The following RASEF variants were observed in gnomAD, a reference collection of about 807,000 sequenced individuals.
The protein encoded by RASEF is ras and EF-hand domain-containing protein.
In RASEF, 68 loss-of-function variants were observed where a neutral mutation model predicts 90.1. The observed-to-expected ratio is 0.75, with a 90% CI of 0.62 to 0.92. RASEF has a LOEUF of 0.92. RASEF is among the 40% of genes least tolerant of loss of function. The pLI is 0.00. For synonymous variants in RASEF, 331 were observed against 345.2 expected (o/e 0.96, Z 0.46); for missense variants, 949 against 937.2 (o/e 1.01, Z -0.16).
chr9:83,000,722 G>A (rs959142863), intron 10 of RASEF, 152 bp from the exon 11 acceptor site: 2 of 912,012 alleles, frequency 2.2e-6, no homozygotes, highest in Non-Finnish European at 3.3e-6. Context: ...GAGTGACACT[G>A]AATGGCAATC....
chr9:83,196,834 A>G, the RASEF span, among the ~76,000 whole-genome samples: 2 of 152,246 alleles, frequency 1.3e-5, no homozygotes, highest in Admixed American at 6.5e-5. Flanking sequence ...TAATCTTTAT[A>G]GTAACTCAGA....
chr9:83,088,936 G>A, the RASEF span, among the ~76,000 whole-genome samples: 1 of 151,946 alleles, frequency 6.6e-6, no homozygotes, highest in South Asian at 2.1e-4. Flanking sequence ...CTGATAGATA[G>A]ATGTTACATG....
At chr9:83,182,484 T>C in the RASEF span, among the ~76,000 whole-genome samples, 2 of 152,186 alleles carry the variant, frequency 1.3e-5, no homozygotes, top group African/African-American at 2.4e-5. Flanking sequence ...AACCAAAAAT[T>C]ACACTGTAAA....
chr9:83,108,995 A>G, the RASEF span, among the ~76,000 whole-genome samples: 1 of 152,224 alleles, frequency 6.6e-6, no homozygotes, highest in Non-Finnish European at 1.5e-5. Flanking sequence ...TCTAGCATCA[A>G]TATTGAAAAA....
At chr9:83,179,447 T>C in the RASEF span, among the ~76,000 whole-genome samples, 1 of 152,158 alleles carries the variant, frequency 6.6e-6, no homozygotes, top group Non-Finnish European at 1.5e-5. Flanking sequence ...TTACACACTA[T>C]TTATTTATAT....
chr9:83,086,692 A>T, the RASEF span, among the ~76,000 whole-genome samples: 1 of 152,144 alleles, frequency 6.6e-6, no homozygotes, highest in African/African-American at 2.4e-5. Flanking sequence ...TCAGTTCCTC[A>T]CTGGCTGTTG....
In RASEF at chr9:83,062,899, G is replaced by A. The variant is rs1468756232; in HGVS notation, c.-32C>T. The A allele has an allele frequency of 2.1e-6, 3 of 1,411,838 alleles. No individual in the cohort carries two copies. The highest frequency in any genetic ancestry group is 2.9e-5 in the East Asian group (1 of 34,332). 87.5% of individuals were successfully genotyped at this position (1,411,838 alleles called of 1,614,324 possible). A position where few individuals can be genotyped will look rare whatever the true frequency, so the allele number is the denominator to read the frequency against. On this transcript the variant is annotated 5_prime_UTR_variant, in exon 1 of 17. Transcript: ENST00000376447. ...TGGCGGGGGCGGCCGAGAGGGCTCC[G>A]GAGCGCCGCGGGGCGCAGGGCCCTC...
the RASEF span, among the ~76,000 whole-genome samples, chr9:83,181,762 T>C: frequency 6.6e-6 from 1 of 152,236 alleles, no homozygotes; most frequent in Non-Finnish European, 1.5e-5. Context: ...ATAAGATTTC[T>C]TTGATTTGTA....
At chr9:83,147,529 T>G in the RASEF span, among the ~76,000 whole-genome samples, 1 of 152,156 alleles carries the variant, frequency 6.6e-6, no homozygotes, top group African/African-American at 2.4e-5. Flanking sequence ...AGGGGCAGCA[T>G]GCAGATGGGA....
At chr9:83,000,674 G>A in intron 10 of RASEF, 104 bp from the exon 11 acceptor site, 1 of 1,096,052 alleles carries the variant, frequency 9.1e-7, no homozygotes, top group South Asian at 1.7e-5. Context: ...AAACTATGCA[G>A]CTAAATCAAC....
chr9:83,039,203 C>T (rs762640209), intron 1 of RASEF, among the ~76,000 whole-genome samples: 7 of 152,208 alleles, frequency 4.6e-5, no homozygotes, highest in East Asian at 1.9e-4. Flanking sequence ...CTCTGAAAGT[C>T]GGCCCTGAAT....
At chr9:83,142,538 A>T in the RASEF span, among the ~76,000 whole-genome samples, 6 of 152,242 alleles carry the variant, frequency 3.9e-5, no homozygotes, top group Admixed American at 2.6e-4. Flanking sequence ...ACAGGCAAGT[A>T]ACATCAATGA....
intron 7 of RASEF, among the ~76,000 whole-genome samples, chr9:83,007,135 G>A (rs1431361258): frequency 1.3e-5 from 2 of 149,564 alleles, no homozygotes; most frequent in African/African-American, 4.9e-5. Flanking sequence ...CTCAGAGAAA[G>A]CTGAGTGCTC....
chr9:83,136,788 T>C, the RASEF span, among the ~76,000 whole-genome samples: 86 of 152,256 alleles, frequency 5.6e-4, no homozygotes, highest in African/African-American at 1.9e-3. Flanking sequence ...TTTCCTTGCA[T>C]AGTTTACACT....
At chr9:83,015,754 T>C (rs987589613) in intron 4 of RASEF, 51 bp downstream of exon 4, 1 of 1,296,932 alleles carries the variant, frequency 7.7e-7, no homozygotes, top group Non-Finnish European at 1.1e-6. Context: ...ATGGCTTAGA[T>C]ACCCTGAGAT....
chr9:83,024,624 T>C (rs1052848026), intron 2 of RASEF, among the ~76,000 whole-genome samples: 2 of 152,106 alleles, frequency 1.3e-5, no homozygotes, highest in Admixed American at 1.3e-4. Context: ...AAGGCTAATT[T>C]GAGAGAAAAA....
chr9:83,090,928 T>C, the RASEF span, among the ~76,000 whole-genome samples: 1 of 152,122 alleles, frequency 6.6e-6, no homozygotes, highest in Non-Finnish European at 1.5e-5. Context: ...AAAGTCTATA[T>C]TATCTCTCAC....
At position 83,004,440 on chromosome 9, in the gene RASEF, A is replaced by C. The variant is rs201604598; in HGVS notation, c.1202+58T>G. 5.5e-5 allele frequency: 14 copies of C among 253,640 alleles called. No homozygotes were observed. In the African/African-American group the frequency reaches 6.3e-4, roughly 11 times the overall value. The allele number at this position is 253,640 out of a possible 1,614,324, so 15.7% of individuals were successfully genotyped here. Reference sequence around the variant, plus strand: ...TTTTAATCCACCTCCAAGGAAATTTACTTTCCTTTTAACTGTGATTCTGAA... The same window carrying C: ...TTTTAATCCACCTCCAAGGAAATTTCCTTTCCTTTTAACTGTGATTCTGAA... On this transcript the variant is annotated intron_variant, in intron 9 of 16. Transcript: ENST00000376447.
intron 6 of RASEF, 76 bp from the exon 7 acceptor site, chr9:83,007,581 C>T (rs569583195): frequency 9.9e-7 from 1 of 1,008,270 alleles, no homozygotes; most frequent in Admixed American, 1.7e-5. Context: ...CCTCCCAGAC[C>T]CTTTCCCACC....
Sources: gnomAD v4.1 joint callset for allele counts (sites outside exome capture counted in the v4.1 genomes callset) on GRCh38, gnomAD v4.1.1 for gene constraint, MANE v1.5 for transcripts, NCBI Gene and HGNC (gene_info 2026-07-23, HGNC 2026-07-21) for gene names.